The following TPR variants were observed in gnomAD, a reference collection of about 807,000 sequenced individuals.
TPR encodes translocated promoter region, nuclear basket protein, also known as nucleoprotein TPR.
Under a neutral mutation model 316.1 loss-of-function variants are expected in TPR, and 51 were observed. The ratio of observed to expected loss-of-function variants is 0.16; its 90% CI spans 0.13 to 0.20. The LOEUF is 0.20. TPR is among the 10% of genes least tolerant of loss of function. TPR has a pLI of 1.00. For missense variants in TPR, 2,272 were observed against 2,754.8 expected, an observed-to-expected ratio of 0.82 and a Z score of 3.92; for synonymous variants, 981 against 914.7, an observed-to-expected ratio of 1.07 and a Z score of -1.31.
At chr1:186,318,913 T>C in intron 46 of TPR, 85 bp from the exon 47 acceptor site, 2 of 1,265,344 alleles carry the variant, frequency 1.6e-6, no homozygotes, top group Non-Finnish European at 2.3e-6. Context: ...AAAATATTAA[T>C]TATTGGAGAT....
chr1:186,344,146 AC>A, intron 25 of TPR, 56 bp from the exon 26 acceptor site: 1 of 1,558,424 alleles, frequency 6.4e-7, no homozygotes, highest in Non-Finnish European at 8.7e-7. Context: ...TTTAAAAAAA[AC>A]AACTTGGCCA....
chr1:186,344,327 C>G (rs781251949), intron 25 of TPR, 48 bp downstream of exon 25: 6 of 1,580,220 alleles, frequency 3.8e-6, no homozygotes, highest in Middle Eastern at 1.7e-4. Context: ...AAGAAAAAAA[C>G]AACTCTTTCA....
At position 186,344,549 on chromosome 1, in the gene TPR, C is replaced by T; in HGVS notation, c.3243G>A (p.Lys1081=). The change falls in exon 25 of 51, where the codon AAG becomes AAA. Residue 1081 remains lysine (K), a synonymous_variant. Coordinates refer to ENST00000367478, the MANE Select transcript of TPR (RefSeq NM_003292.3). ...CATGCAGCATCAATTCTCTCTCATA[C>T]TTATTCTGAGCTTCCACAGCTATTT... ...QAKIAVEAQN[K]YERELMLHAA... 4 of 1,588,412 alleles carry T rather than the reference C, an allele frequency of 2.5e-6. No homozygotes were observed. The highest frequency in any genetic ancestry group is 1.2e-5 in the South Asian group (1 of 86,094).
chr1:186,353,729 G>C lies in TPR; in HGVS notation c.2293C>G (p.Gln765Glu), dbSNP rs1658942233. 1 of 1,614,082 alleles carries C rather than the reference G, an allele frequency of 6.2e-7. No individual in the cohort carries two copies. Among genetic ancestry groups the C allele is most frequent in the Non-Finnish European group, 8.5e-7 (1 of 1,179,992 alleles). Residue 765 changes from glutamine to glutamate, a missense_variant, in exon 18 of 51, where the codon CAA (glutamine) becomes GAA (glutamate). Gln to Glu is a conservative substitution (Grantham distance 29). Coordinates refer to ENST00000367478, the MANE Select transcript of TPR (RefSeq NM_003292.3). ...TTCTCATTTGCTCCTCTCAAATCTT[G>C]AGTCATCGTATTGATAATCTGTTCT... ...KQEQIINTMT[Q>E]DLRGANEKLA...
At chr1:186,334,224 T>C in intron 36 of TPR, 101 bp downstream of exon 36, 2 of 1,211,304 alleles carry the variant, frequency 1.7e-6, no homozygotes, top group Non-Finnish European at 2.2e-6. Flanking sequence ...ATGACGTGAC[T>C]TCAGCTGTAG....
intron 4 of TPR, among the ~76,000 whole-genome samples, chr1:186,365,682 A>T (rs1659322746): frequency 6.6e-6 from 1 of 152,234 alleles, no homozygotes; most frequent in Admixed American, 6.5e-5. Context: ...TTACAGAAAA[A>T]GTTATGAAAG....
In TPR at chr1:186,334,381, G is replaced by T. The variant is rs1658276783; in HGVS notation, c.5126C>A (p.Pro1709His). 1 of 1,613,532 alleles carries T rather than the reference G, an allele frequency of 6.2e-7. No individual in the cohort carries two copies. The highest frequency in any genetic ancestry group is 8.5e-7 in the Non-Finnish European group (1 of 1,179,696). Residue 1709 changes from proline to histidine, a missense_variant, in exon 36 of 51, where the codon CCC becomes CAC. Around this residue, in one of 10 missense-constraint regions of TPR, gnomAD observed 109 missense variants for 215.3 expected, o/e 0.51. Coordinates refer to ENST00000367478, the MANE Select transcript of TPR (RefSeq NM_003292.3). ...PMVTPATVTNPTTTPTATVMP... is the reference protein window; with the variant it reads ...PMVTPATVTNHTTTPTATVMP... ...CACTGTAGCTGTTGGGGTAGTAGTG[G>T]GATTTGTAACAGTTGCAGGTGTAAC...
At chr1:186,368,971 G>A (rs756062498) in intron 3 of TPR, among the ~76,000 whole-genome samples, 2 of 152,102 alleles carry the variant, frequency 1.3e-5, no homozygotes, top group Admixed American at 1.3e-4. Context: ...CTTCAAATGT[G>A]GAAATCCAGT....
intron 4 of TPR, among the ~76,000 whole-genome samples, chr1:186,364,888 T>C (rs1183401483): frequency 6.6e-6 from 1 of 152,160 alleles, no homozygotes; most frequent in Non-Finnish European, 1.5e-5. Flanking sequence ...AACTCTACCG[T>C]ACTGAGCAAA....
intron 12 of TPR, among the ~76,000 whole-genome samples, chr1:186,359,512 G>A (rs912256614): frequency 1.3e-5 from 2 of 151,948 alleles, no homozygotes; most frequent in African/African-American, 4.8e-5. Flanking sequence ...AGTTTTAGGA[G>A]ATTTGGCTAT....
At chr1:186,321,125 T>G (rs1657764090) in intron 45 of TPR, among the ~76,000 whole-genome samples, 1 of 152,170 alleles carries the variant, frequency 6.6e-6, no homozygotes, top group African/African-American at 2.4e-5. Flanking sequence ...GAATTCTGCA[T>G]GTTTATTGGA....
chr1:186,350,949 C>T (rs900971685), intron 20 of TPR, among the ~76,000 whole-genome samples: 2 of 152,124 alleles, frequency 1.3e-5, no homozygotes, highest in African/African-American at 4.8e-5. Context: ...AAAAAAACCC[C>T]ACAATTGCAA....
chr1:186,366,337 TCTTC>T (rs1353601984), intron 4 of TPR, among the ~76,000 whole-genome samples: 1 of 152,224 alleles, frequency 6.6e-6, no homozygotes, highest in African/African-American at 2.4e-5. Context: ...ACGTATTTTC[TCTTC>T]CTTATGATTT....
chr1:186,314,265 C>A, intron 50 of TPR: 1 of 458,946 alleles, frequency 2.2e-6, no homozygotes, highest in Non-Finnish European at 3.8e-6. Context: ...CTTTTACTAG[C>A]TAAAACATAA....
At chr1:186,343,528 A>G in intron 26 of TPR, 55 bp from the exon 27 acceptor site, 2 of 1,537,024 alleles carry the variant, frequency 1.3e-6, no homozygotes, top group Non-Finnish European at 1.8e-6. Context: ...CCAACATTAC[A>G]AAACGTAGGT....
At chr1:186,359,629 A>G (rs1659123103) in intron 12 of TPR, among the ~76,000 whole-genome samples, 170 bp downstream of exon 12, 1 of 152,136 alleles carries the variant, frequency 6.6e-6, no homozygotes, top group Non-Finnish European at 1.5e-5. Context: ...AAATTGCTAA[A>G]TAAAGGTATG....
At chr1:186,329,170 A>G (rs893881832) in intron 39 of TPR, among the ~76,000 whole-genome samples, 1 of 152,212 alleles carries the variant, frequency 6.6e-6, no homozygotes, top group African/African-American at 2.4e-5. Context: ...TTGGAGTCAC[A>G]GACAATTTTG....
chr1:186,312,637 T>A lies in TPR; in HGVS notation c.*1334A>T. 1 of 972,044 alleles carries A rather than the reference T, an allele frequency of 1.0e-6. No individual in the cohort carries two copies. The allele number at this position is 972,044 out of a possible 1,614,324, so 60.2% of individuals were successfully genotyped here. Reference sequence around the variant, plus strand: ...AGTACTTCTTACCAAGAACATTATATACCAGTCTATAACCCTCAATAGTTC... The same window carrying A: ...AGTACTTCTTACCAAGAACATTATAAACCAGTCTATAACCCTCAATAGTTC... On this transcript the variant is annotated 3_prime_UTR_variant, in exon 51 of 51. Coordinates refer to ENST00000367478, the MANE Select transcript of TPR (RefSeq NM_003292.3).
Position 186,312,999 on chromosome 1 carries a change from C to A in TPR, c.*972G>T. Reference sequence around the variant, plus strand: ...AATGATGACTGAATGTGAGAAGTTACACTACGGTACTTATTCTAATTGCTG... The same window carrying A: ...AATGATGACTGAATGTGAGAAGTTAAACTACGGTACTTATTCTAATTGCTG... On this transcript the variant is annotated 3_prime_UTR_variant, in exon 51 of 51. Transcript: ENST00000367478. 8.3e-7 allele frequency: 1 copy of A among 1,202,922 alleles called. No individual in the cohort carries two copies. The highest frequency in any genetic ancestry group is 1.2e-6 in the Non-Finnish European group (1 of 814,470). The allele number at this position is 1,202,922 out of a possible 1,614,324, so 74.5% of individuals were successfully genotyped here.
Sources: allele counts gnomAD v4.1 joint callset (sites outside exome capture counted in the v4.1 genomes callset), GRCh38; gene constraint gnomAD v4.1.1; regional missense constraint gnomAD v4.1.1; transcripts MANE v1.5; gene names NCBI Gene and HGNC (gene_info 2026-07-23, HGNC 2026-07-21).